The following EXOC6B variants were observed in gnomAD, a reference collection of about 807,000 sequenced individuals.
EXOC6B encodes the protein exocyst complex component 6B.
A neutral mutation model predicts 113.5 loss-of-function variants in EXOC6B; 54 were observed. The observed-to-expected ratio is 0.48, with a 90% CI of 0.38 to 0.60. The LOEUF is 0.60. Among genes scored for constraint, EXOC6B ranks in the 20% least tolerant of loss-of-function variants. The pLI, the probability that EXOC6B is intolerant of heterozygous loss-of-function variation, is 0.00. For synonymous variants in EXOC6B, 357 were observed against 339.0 expected (o/e 1.05, Z -0.58); for missense variants, 797 against 977.5 (o/e 0.82, Z 2.46).
chr2:72,193,486 A>T (rs1052124576), intron 20 of EXOC6B, among the ~76,000 whole-genome samples: 1 of 152,210 alleles, frequency 6.6e-6, no homozygotes, highest in African/African-American at 2.4e-5. Flanking sequence ...TATTTCGACA[A>T]ACATAAATTG....
At chr2:72,211,343 G>T (rs1206826325) in intron 20 of EXOC6B, among the ~76,000 whole-genome samples, 1 of 152,134 alleles carries the variant, frequency 6.6e-6, no homozygotes, top group African/African-American at 2.4e-5. Context: ...ATTCTCCAAT[G>T]AGAGACTGAG....
At chr2:72,765,141 A>T (rs947925489) in intron 1 of EXOC6B, among the ~76,000 whole-genome samples, 24 of 152,096 alleles carry the variant, frequency 1.6e-4, no homozygotes, top group Non-Finnish European at 3.2e-4. Flanking sequence ...AAAAATTTTT[A>T]AAAAATTAGC....
intron 7 of EXOC6B, among the ~76,000 whole-genome samples, chr2:72,567,562 A>C (rs1292518461): frequency 6.6e-6 from 1 of 152,054 alleles, no homozygotes; most frequent in Non-Finnish European, 1.5e-5. Flanking sequence ...CTCTGTCCAC[A>C]AAAGGGGTAT....
intron 18 of EXOC6B, among the ~76,000 whole-genome samples, chr2:72,392,404 C>T (rs188366097): frequency 1.5e-3 from 228 of 152,348 alleles, no homozygotes; most frequent in African/African-American, 4.8e-3. Context: ...GAGGATTGAA[C>T]CCCAGCTCAG....
At chr2:72,688,067 C>A (rs1329051357) in intron 6 of EXOC6B, among the ~76,000 whole-genome samples, 1 of 152,174 alleles carries the variant, frequency 6.6e-6, no homozygotes, top group Non-Finnish European at 1.5e-5. Context: ...ACCAAGGTAA[C>A]TGTCCACCCA....
chr2:72,524,421 C>T (rs147885533), intron 8 of EXOC6B, among the ~76,000 whole-genome samples: 4 of 152,280 alleles, frequency 2.6e-5, no homozygotes, highest in Non-Finnish European at 4.4e-5. Flanking sequence ...AAATCCAATT[C>T]ACAGTGTTCC....
At chr2:72,508,367 C>G (rs1700721018) in intron 11 of EXOC6B, among the ~76,000 whole-genome samples, 1 of 151,934 alleles carries the variant, frequency 6.6e-6, no homozygotes, top group South Asian at 2.1e-4. Context: ...GGGGTGTGGA[C>G]TAGAGGTGGA....
intron 20 of EXOC6B, among the ~76,000 whole-genome samples, chr2:72,252,400 AT>A (rs1404742858): frequency 5.3e-5 from 8 of 152,266 alleles, no homozygotes; most frequent in African/African-American, 1.9e-4. Flanking sequence ...ACTGAGAACA[AT>A]GTTGCAAGGC....
intron 1 of EXOC6B, among the ~76,000 whole-genome samples, chr2:72,762,254 AAAAAG>A (rs1270633742): frequency 2.6e-4 from 39 of 151,838 alleles, no homozygotes; most frequent in African/African-American, 6.7e-4. Context: ...AAAAAAAAAA[AAAAAG>A]AAAAGAAAAG....
intron 6 of EXOC6B, among the ~76,000 whole-genome samples, chr2:72,714,861 G>A (rs1679506006): frequency 1.3e-5 from 2 of 152,172 alleles, no homozygotes. Flanking sequence ...ATTTAGGGAA[G>A]AACAGTGGGT....
intron 18 of EXOC6B, among the ~76,000 whole-genome samples, chr2:72,394,938 C>G (rs1380347303): frequency 6.6e-6 from 1 of 151,946 alleles, no homozygotes; most frequent in Non-Finnish European, 1.5e-5. Context: ...TGGAGCCCTC[C>G]CAGATGCCAG....
At chr2:72,530,385 T>C (rs1433675581) in intron 8 of EXOC6B, among the ~76,000 whole-genome samples, 1 of 152,206 alleles carries the variant, frequency 6.6e-6, no homozygotes, top group African/African-American at 2.4e-5. Context: ...GTAAGTGTAT[T>C]ATCTAGTTTC....
Position 72,178,974 on chromosome 2 carries a change from C to G in EXOC6B, c.*361G>C, listed in dbSNP as rs1333042464. 3 of 197,492 alleles carry G rather than the reference C, an allele frequency of 1.5e-5. No individual in the cohort carries two copies. Among genetic ancestry groups the G allele is most frequent in the African/African-American group, 7.0e-5 (3 of 42,762 alleles). The allele number at this position is 197,492 out of a possible 1,614,324, so 12.2% of individuals were successfully genotyped here. A position where few individuals can be genotyped will look rare whatever the true frequency, so the allele number is the denominator to read the frequency against. ...TTTAGTATCCTTTTGCTTACTCACT[C>G]TACCTCCCAGCGCCAGATACCCACT... On this transcript the variant is annotated 3_prime_UTR_variant, in exon 22 of 22. Transcript: ENST00000272427.
intron 1 of EXOC6B, among the ~76,000 whole-genome samples, chr2:72,756,775 C>T (rs1204123432): frequency 1.3e-5 from 2 of 151,810 alleles, no homozygotes; most frequent in Non-Finnish European, 2.9e-5. Flanking sequence ...TTTACCTTTC[C>T]CAGGTTGCCA....
chr2:72,220,905 T>C (rs954493248), intron 20 of EXOC6B, among the ~76,000 whole-genome samples: 1 of 152,194 alleles, frequency 6.6e-6, no homozygotes, highest in Non-Finnish European at 1.5e-5. Flanking sequence ...TACATTCACA[T>C]ACTTTGTAAA....
intron 16 of EXOC6B, among the ~76,000 whole-genome samples, chr2:72,488,507 T>G (rs2105524661): frequency 6.6e-6 from 1 of 152,260 alleles, no homozygotes; most frequent in South Asian, 2.1e-4. Context: ...CACTATAAAT[T>G]TAATATGTCT....
At chr2:72,440,555 C>T (rs533676496) in intron 18 of EXOC6B, among the ~76,000 whole-genome samples, 1 of 152,298 alleles carries the variant, frequency 6.6e-6, no homozygotes, top group Non-Finnish European at 1.5e-5. Context: ...AAGGAAAGAA[C>T]ATTACCAGCC....
chr2:72,510,282 T>C (rs1036743392), intron 11 of EXOC6B, among the ~76,000 whole-genome samples: 2 of 152,102 alleles, frequency 1.3e-5, no homozygotes, highest in Admixed American at 6.5e-5. Context: ...GAGTGTTAAA[T>C]AGTTCAATAG....
chr2:72,762,883 T>A (rs1469525254), intron 1 of EXOC6B, among the ~76,000 whole-genome samples: 1 of 152,058 alleles, frequency 6.6e-6, no homozygotes, highest in Non-Finnish European at 1.5e-5. Flanking sequence ...ATATAATTAA[T>A]GATAACTCAA....
Sources: allele counts gnomAD v4.1 joint callset (sites outside exome capture counted in the v4.1 genomes callset), GRCh38; gene constraint gnomAD v4.1.1; transcripts MANE v1.5; gene names NCBI Gene and HGNC (gene_info 2026-07-23, HGNC 2026-07-21).